DIP2C: variants seen among roughly 807,000 people sequenced by gnomAD.
The protein encoded by DIP2C is disco-interacting protein 2 homolog C.
DIP2C carries 33 observed loss-of-function variants against 192.4 expected under a neutral mutation model. That is an observed-to-expected ratio of 0.17 (90% CI 0.13 to 0.23). DIP2C has a LOEUF of 0.23. Among genes scored for constraint, DIP2C ranks in the 10% least tolerant of loss-of-function variants. The pLI is 1.00. For synonymous variants in DIP2C, 979 were observed against 864.1 expected (o/e 1.13, Z -2.33); for missense variants, 1,537 against 2,110.1 (o/e 0.73, Z 5.32).
At chr10:663,100 G>T in intron 1 of DIP2C, 1 of 562,750 alleles carries the variant, frequency 1.8e-6, no homozygotes, top group Non-Finnish European at 3.2e-6. Flanking sequence ...GGGCAGCCTG[G>T]TCTGCAGAGG....
intron 2 of DIP2C, 90 bp from the exon 3 acceptor site, chr10:472,639 C>T: frequency 8.5e-7 from 1 of 1,180,474 alleles, no homozygotes; most frequent in Non-Finnish European, 1.2e-6. Flanking sequence ...ATCCCCACAG[C>T]AAAGCCAGAG....
At chr10:615,508 C>G (rs1853405696) in intron 1 of DIP2C, among the ~76,000 whole-genome samples, 2 of 152,154 alleles carry the variant, frequency 1.3e-5, no homozygotes, top group South Asian at 2.1e-4. Flanking sequence ...GGGCTCAAGA[C>G]ACTGCACCAG....
intron 22 of DIP2C, among the ~76,000 whole-genome samples, chr10:361,364 T>A (rs1435901726): frequency 6.6e-6 from 1 of 152,148 alleles, no homozygotes; most frequent in Non-Finnish European, 1.5e-5. Context: ...CCACTGGGTT[T>A]TCCTGACCTC....
intron 6 of DIP2C, among the ~76,000 whole-genome samples, chr10:417,539 C>G (rs887143996): frequency 6.6e-6 from 1 of 152,182 alleles, no homozygotes; most frequent in Admixed American, 6.5e-5. Flanking sequence ...TGGACACTTA[C>G]GAAGGCACAG....
chr10:547,827 C>T (rs188994779), intron 1 of DIP2C, among the ~76,000 whole-genome samples: 22 of 152,178 alleles, frequency 1.4e-4, no homozygotes, highest in African/African-American at 5.3e-4. Context: ...CCCTGCTGTT[C>T]CATCGCACCC....
At chr10:576,773 G>A (rs1850188158) in intron 1 of DIP2C, among the ~76,000 whole-genome samples, 2 of 152,128 alleles carry the variant, frequency 1.3e-5, no homozygotes, top group African/African-American at 4.8e-5. Context: ...CAGGCATGGT[G>A]GCACGCGCCT....
At chr10:662,784 C>A in intron 1 of DIP2C, 2 of 706,528 alleles carry the variant, frequency 2.8e-6, no homozygotes, top group South Asian at 1.5e-5. Flanking sequence ...TGCCTATTCT[C>A]TTTTAGAAGA....
At chr10:277,694 C>T in intron 36 of DIP2C, 117 bp from the exon 37 acceptor site, 4 of 1,372,746 alleles carry the variant, frequency 2.9e-6, no homozygotes, top group Non-Finnish European at 3.9e-6. Flanking sequence ...CCGACAGTCT[C>T]CTCCGGCCTC....
chr10:556,043 C>A (rs1848839162), intron 1 of DIP2C, among the ~76,000 whole-genome samples: 1 of 151,802 alleles, frequency 6.6e-6, no homozygotes, highest in African/African-American at 2.4e-5. Context: ...TCCCTCACAG[C>A]ACCCACCTCT....
intron 1 of DIP2C, among the ~76,000 whole-genome samples, chr10:529,658 G>T (rs755709639): frequency 2.6e-5 from 4 of 152,182 alleles, no homozygotes; most frequent in Admixed American, 1.3e-4. Context: ...ACCTGGCTCC[G>T]TTGCATCTTT....
intron 1 of DIP2C, among the ~76,000 whole-genome samples, chr10:610,041 G>A (rs1008968527): frequency 1.3e-5 from 2 of 152,140 alleles, no homozygotes; most frequent in African/African-American, 4.8e-5. Flanking sequence ...CTTCAATGCA[G>A]CACCGTCCAC....
At chr10:538,520 G>A (rs984509399) in intron 1 of DIP2C, among the ~76,000 whole-genome samples, 4 of 152,122 alleles carry the variant, frequency 2.6e-5, no homozygotes, top group Admixed American at 6.5e-5. Flanking sequence ...AGTCCGGACC[G>A]TACAGGGGCT....
intron 8 of DIP2C, 52 bp from the exon 9 acceptor site, chr10:409,069 C>T (rs1285775570): frequency 6.3e-7 from 1 of 1,579,760 alleles, no homozygotes; most frequent in Non-Finnish European, 8.7e-7. Flanking sequence ...ACGGAGAGCA[C>T]AGCTTCTGCA....
At chr10:470,919 G>T (rs191516441) in intron 3 of DIP2C, among the ~76,000 whole-genome samples, 102 of 152,066 alleles carry the variant, frequency 6.7e-4, no homozygotes, top group Admixed American at 1.8e-3. Flanking sequence ...TGGGTGTGTT[G>T]TGTGTTCACA....
intron 31 of DIP2C, among the ~76,000 whole-genome samples, chr10:318,326 G>C (rs761733091): frequency 2.0e-5 from 3 of 152,078 alleles, no homozygotes; most frequent in Non-Finnish European, 4.4e-5. Flanking sequence ...CTAGGGTGTG[G>C]GGAGACGATC....
intron 36 of DIP2C, among the ~76,000 whole-genome samples, chr10:278,973 G>A (rs1954668539): frequency 1.3e-5 from 2 of 152,130 alleles, no homozygotes; most frequent in Non-Finnish European, 2.9e-5. Context: ...CCCAGCTTGA[G>A]GCAGGAGATA....
intron 1 of DIP2C, among the ~76,000 whole-genome samples, chr10:504,112 C>T (rs1167899599): frequency 6.6e-6 from 1 of 152,224 alleles, no homozygotes; most frequent in African/African-American, 2.4e-5. Flanking sequence ...GTAACTGCAG[C>T]CTTCAACCTA....
intron 1 of DIP2C, among the ~76,000 whole-genome samples, chr10:685,644 C>G (rs369002637): frequency 6.6e-6 from 1 of 152,184 alleles, no homozygotes; most frequent in East Asian, 1.9e-4. Flanking sequence ...TAAATGCAAT[C>G]TTTTTTAAAA....
intron 1 of DIP2C, among the ~76,000 whole-genome samples, chr10:575,249 T>C (rs1850078951): frequency 1.3e-5 from 2 of 152,378 alleles, no homozygotes; most frequent in East Asian, 1.9e-4. Context: ...GTACAATTAA[T>C]CTACACATAA....
Sources: allele counts gnomAD v4.1 joint callset (sites outside exome capture counted in the v4.1 genomes callset), GRCh38; gene constraint gnomAD v4.1.1; transcripts MANE v1.5; gene names NCBI Gene and HGNC (gene_info 2026-07-23, HGNC 2026-07-21).